Variants in CSMD3 observed in about 807,000 individuals in gnomAD.
The protein encoded by CSMD3 is CUB and Sushi multiple domains 3, also known as CUB and sushi domain-containing protein 3.
CSMD3 carries 177 observed loss-of-function variants against 435.2 expected under a neutral mutation model. The ratio of observed to expected loss-of-function variants is 0.41; its 90% CI spans 0.36 to 0.46. The LOEUF is 0.46. CSMD3 is among the 20% of genes least tolerant of loss of function. CSMD3 has a pLI of 0.34. For synonymous variants in CSMD3, 1,656 were observed against 1,520.5 expected, an observed-to-expected ratio of 1.09 and a Z score of -2.07; for missense variants, 4,265 against 4,504.6, an observed-to-expected ratio of 0.95 and a Z score of 1.52.
At chr8:112,286,289 A>T (rs911221106) in intron 58 of CSMD3, among the ~76,000 whole-genome samples, 1 of 152,086 alleles carries the variant, frequency 6.6e-6, no homozygotes, top group Non-Finnish European at 1.5e-5. Context: ...TATTCTTTCC[A>T]CAGTTTCACT....
chr8:112,972,100 A>G (rs1330033431), intron 7 of CSMD3, among the ~76,000 whole-genome samples: 1 of 151,940 alleles, frequency 6.6e-6, no homozygotes, highest in East Asian at 1.9e-4. Context: ...AGTACAAAAT[A>G]CTGTGTGTAA....
At chr8:112,946,160 T>G (rs1381963847) in intron 9 of CSMD3, among the ~76,000 whole-genome samples, 1 of 151,802 alleles carries the variant, frequency 6.6e-6, no homozygotes, top group East Asian at 1.9e-4. Flanking sequence ...CAAGTAAATA[T>G]TAATGTCATC....
intron 9 of CSMD3, among the ~76,000 whole-genome samples, chr8:112,924,373 A>G (rs2082845652): frequency 6.6e-6 from 1 of 152,160 alleles, no homozygotes; most frequent in Non-Finnish European, 1.5e-5. Flanking sequence ...AAGAAGGCCC[A>G]GTATAGGGCC....
chr8:113,333,016 G>T (rs2094040229), intron 1 of CSMD3, among the ~76,000 whole-genome samples: 1 of 151,684 alleles, frequency 6.6e-6, no homozygotes, highest in Non-Finnish European at 1.5e-5. Context: ...GTCAAGAGGG[G>T]AACTGAGCAA....
chr8:112,947,676 A>G lies in CSMD3; in HGVS notation c.1508+114T>C, dbSNP rs2083660737. On this transcript the variant is annotated intron_variant, in intron 9 of 70. Transcript: ENST00000297405. ...ATTATTAATAACAATACATTGATAA[A>G]ATGCAGTTTGATGCCACTAAGACTT... The G allele has an allele frequency of 1.7e-5, 10 of 597,974 alleles. No homozygotes were observed. The East Asian group carries it at 2.8e-4, about 17-fold the overall frequency. The allele number at this position is 597,974 out of a possible 1,614,324, so 37.0% of individuals were successfully genotyped here.
chr8:112,976,174 C>T (rs2130936403), intron 6 of CSMD3, 26 bp from the exon 7 acceptor site: 1 of 1,610,780 alleles, frequency 6.2e-7, no homozygotes, highest in Non-Finnish European at 8.5e-7. Context: ...GCACTAGATG[C>T]TAACTTTTTC....
intron 32 of CSMD3, among the ~76,000 whole-genome samples, chr8:112,468,759 T>C (rs968299752): frequency 1.3e-5 from 2 of 152,122 alleles, no homozygotes; most frequent in African/African-American, 2.4e-5. Flanking sequence ...GATAGATAAG[T>C]AGGATTTTTT....
chr8:113,315,779 C>T (rs1400552317), intron 1 of CSMD3, among the ~76,000 whole-genome samples: 3 of 150,996 alleles, frequency 2.0e-5, no homozygotes, highest in Non-Finnish European at 2.9e-5. Context: ...AGTGCAGTGG[C>T]GAGATCTCAG....
At chr8:113,377,197 G>A in intron 1 of CSMD3, 1 of 1,149,378 alleles carries the variant, frequency 8.7e-7, no homozygotes, top group South Asian at 2.0e-5. Flanking sequence ...CCAATGGCCG[G>A]AAGTTCGAGC....
chr8:112,751,077 A>C (rs1254499222), intron 13 of CSMD3, among the ~76,000 whole-genome samples: 1 of 149,448 alleles, frequency 6.7e-6, no homozygotes, highest in African/African-American at 2.5e-5. Flanking sequence ...TTTGTATTAA[A>C]AAAAAAAAAT....
intron 3 of CSMD3, among the ~76,000 whole-genome samples, chr8:113,179,275 T>C (rs1031406321): frequency 6.6e-6 from 1 of 151,740 alleles, no homozygotes; most frequent in Non-Finnish European, 1.5e-5. Flanking sequence ...TATTATTAAC[T>C]CAATAAATTG....
chr8:113,185,707 C>A (rs747856960), intron 3 of CSMD3, among the ~76,000 whole-genome samples: 5 of 151,924 alleles, frequency 3.3e-5, no homozygotes, highest in African/African-American at 4.8e-5. Flanking sequence ...ATGTCCAAAT[C>A]TGTATATTTT....
At chr8:113,423,292 A>G (rs2094618331) in intron 1 of CSMD3, among the ~76,000 whole-genome samples, 1 of 152,014 alleles carries the variant, frequency 6.6e-6, no homozygotes, top group Admixed American at 6.6e-5. Context: ...AATCTAACTA[A>G]TTAACAATTG....
At chr8:112,989,475 C>CT (rs2085372595) in intron 6 of CSMD3, among the ~76,000 whole-genome samples, 1 of 151,892 alleles carries the variant, frequency 6.6e-6, no homozygotes, top group African/African-American at 2.4e-5. Context: ...GAGTTTCTAC[C>CT]TTTTGCTAGC....
intron 13 of CSMD3, among the ~76,000 whole-genome samples, chr8:112,795,397 T>C (rs2078803934): frequency 1.3e-5 from 2 of 152,168 alleles, no homozygotes; most frequent in Non-Finnish European, 2.9e-5. Flanking sequence ...GAAAAATGTT[T>C]GACTAGAAGT....
At chr8:113,413,693 A>C (rs1242335866) in intron 1 of CSMD3, among the ~76,000 whole-genome samples, 2 of 152,216 alleles carry the variant, frequency 1.3e-5, no homozygotes, top group Admixed American at 1.3e-4. Flanking sequence ...GGGATGTATT[A>C]TATTTTGAAG....
chr8:113,427,252 A>C (rs555678892), intron 1 of CSMD3, among the ~76,000 whole-genome samples: 1 of 151,614 alleles, frequency 6.6e-6, no homozygotes, highest in Admixed American at 6.6e-5. Flanking sequence ...AATTTAATAA[A>C]AACATTTTTT....
chr8:112,918,021 C>T (rs962707969), intron 10 of CSMD3, among the ~76,000 whole-genome samples: 3 of 151,918 alleles, frequency 2.0e-5, no homozygotes, highest in Non-Finnish European at 4.4e-5. Context: ...AATAATCTTC[C>T]TCATCTGAAT....
chr8:112,417,823 T>G (rs2130229990), intron 32 of CSMD3, among the ~76,000 whole-genome samples: 1 of 152,292 alleles, frequency 6.6e-6, no homozygotes, highest in Admixed American at 6.5e-5. Context: ...CTGTTTCAAC[T>G]TCATCACAAA....
Sources: allele counts gnomAD v4.1 joint callset (sites outside exome capture counted in the v4.1 genomes callset), GRCh38; gene constraint gnomAD v4.1.1; transcripts MANE v1.5; gene names NCBI Gene and HGNC (gene_info 2026-07-23, HGNC 2026-07-21).